PTPN4: variants seen among roughly 807,000 people sequenced by gnomAD.
The protein encoded by PTPN4 is protein tyrosine phosphatase non-receptor type 4, also known as tyrosine-protein phosphatase non-receptor type 4.
Under a neutral mutation model 135.5 loss-of-function variants are expected in PTPN4, and 49 were observed. The ratio of observed to expected loss-of-function variants is 0.36; its 90% CI spans 0.29 to 0.46. The LOEUF (loss-of-function observed/expected upper bound fraction) is 0.46, where lower values mean the gene tolerates loss of function less well. Ranked by LOEUF, PTPN4 falls within the 20% of genes least tolerant of loss-of-function variation. PTPN4 has a pLI of 1.00. For missense variants in PTPN4, 860 were observed against 1,101.0 expected (o/e 0.78, Z 3.10); for synonymous variants, 333 against 369.9 (o/e 0.90, Z 1.14).
At chr2:119,880,155 A>G (rs923594281) in intron 5 of PTPN4, 1 of 152,056 alleles carries the variant, frequency 6.6e-6, no homozygotes, top group African/African-American at 2.4e-5. Context: ...AGGCAAGTTG[A>G]TACTACTTTC....
intron 2 of PTPN4, among the ~76,000 whole-genome samples, chr2:119,857,430 A>C (rs1009101643): frequency 6.6e-6 from 1 of 151,454 alleles, no homozygotes; most frequent in African/African-American, 2.4e-5. Flanking sequence ...GCTACTGGGG[A>C]GGCTGAGGCA....
chr2:119,963,910 A>G (rs1200539234), intron 24 of PTPN4, among the ~76,000 whole-genome samples: 1 of 152,208 alleles, frequency 6.6e-6, no homozygotes, highest in Non-Finnish European at 1.5e-5. Context: ...ACAGTTTTAT[A>G]TACCATAGTG....
At chr2:119,867,334 G>T (rs901017820) in intron 3 of PTPN4, among the ~76,000 whole-genome samples, 1 of 152,080 alleles carries the variant, frequency 6.6e-6, no homozygotes, top group Non-Finnish European at 1.5e-5. Flanking sequence ...GTGGTTGGCT[G>T]TGGGGAATGA....
chr2:119,868,291 C>A (rs994243989), intron 3 of PTPN4, among the ~76,000 whole-genome samples: 2 of 152,048 alleles, frequency 1.3e-5, no homozygotes, highest in African/African-American at 4.8e-5. Flanking sequence ...AGTAGTATAT[C>A]CACTAGAATA....
chr2:119,935,045 G>C, intron 15 of PTPN4, 87 bp downstream of exon 15: 4 of 1,387,018 alleles, frequency 2.9e-6, no homozygotes, highest in Non-Finnish European at 3.9e-6. Context: ...TAGGATATTC[G>C]ATACAAGATT....
intron 1 of PTPN4, among the ~76,000 whole-genome samples, chr2:119,794,383 C>T (rs1167311906): frequency 6.6e-6 from 1 of 152,186 alleles, no homozygotes; most frequent in Non-Finnish European, 1.5e-5. Flanking sequence ...GATCCCACAC[C>T]TGCCAAGGGT....
chr2:119,779,336 G>A (rs1012955416), intron 1 of PTPN4, among the ~76,000 whole-genome samples: 3 of 152,126 alleles, frequency 2.0e-5, no homozygotes, highest in Admixed American at 2.0e-4. Flanking sequence ...AAGAATTGTC[G>A]GCTGGGCGCG....
chr2:119,975,649 C>T (rs1316416780), intron 26 of PTPN4, among the ~76,000 whole-genome samples: 5 of 152,052 alleles, frequency 3.3e-5, no homozygotes, highest in South Asian at 4.2e-4. Flanking sequence ...CTCTTGAACC[C>T]GGGAGGAGGA....
At chr2:119,840,731 C>G (rs1344595746) in intron 2 of PTPN4, among the ~76,000 whole-genome samples, 1 of 152,220 alleles carries the variant, frequency 6.6e-6, no homozygotes, top group African/African-American at 2.4e-5. Flanking sequence ...ATTCCTTTTT[C>G]TCCACAACCT....
chr2:119,947,589 A>G (rs1310544829), intron 18 of PTPN4, among the ~76,000 whole-genome samples: 1 of 152,100 alleles, frequency 6.6e-6, no homozygotes, highest in Non-Finnish European at 1.5e-5. Context: ...AAAATCATCG[A>G]CTTTTCTGCT....
chr2:119,775,012 T>A (rs56369236), intron 1 of PTPN4, among the ~76,000 whole-genome samples: 40,154 of 132,108 alleles, frequency 0.3, 5,528 homozygotes, highest in South Asian at 0.39. Flanking sequence ...GCGAGACTGC[T>A]AAAAAAAAAA....
At chr2:119,808,641 C>G (rs1472235490) in intron 1 of PTPN4, among the ~76,000 whole-genome samples, 1 of 152,130 alleles carries the variant, frequency 6.6e-6, no homozygotes, top group East Asian at 1.9e-4. Context: ...CCAGGCTGGT[C>G]TCAAACTCTT....
chr2:119,853,799 T>C (rs1222246441), intron 2 of PTPN4, among the ~76,000 whole-genome samples: 1 of 152,212 alleles, frequency 6.6e-6, no homozygotes, highest in African/African-American at 2.4e-5. Flanking sequence ...AGTTTCTTCA[T>C]GTTACTTACT....
Position 119,854,270 on chromosome 2 carries a change from G to A in PTPN4, c.139-8266G>A, listed in dbSNP as rs150772679. On this transcript the variant is annotated intron_variant, in intron 2 of 26. Coordinates refer to ENST00000263708, the MANE Select transcript of PTPN4 (RefSeq NM_002830.4). Reference sequence around the variant, plus strand: ...GACGGAGGAATTACCATGCTGAATGGACCCAGTTTCTAATCACCAGCATTT... The same window carrying A: ...GACGGAGGAATTACCATGCTGAATGAACCCAGTTTCTAATCACCAGCATTT... 3.6e-3 allele frequency among the ~76,000 whole-genome samples: 549 copies of A among 152,220 alleles called. 4 individuals carry two copies. Among genetic ancestry groups the A allele is most frequent in the Middle Eastern group, 0.014 (4 of 294 alleles).
At chr2:119,975,410 C>A (rs1679600381) in intron 26 of PTPN4, among the ~76,000 whole-genome samples, 2 of 152,176 alleles carry the variant, frequency 1.3e-5, no homozygotes, top group Admixed American at 1.3e-4. Context: ...GCCACCATGG[C>A]CAGCCAAATT....
At chr2:119,846,917 A>G (rs1677507367) in intron 2 of PTPN4, among the ~76,000 whole-genome samples, 2 of 151,120 alleles carry the variant, frequency 1.3e-5, no homozygotes, top group Non-Finnish European at 3.0e-5. Flanking sequence ...TTATTCTTAT[A>G]TATACATATA....
At chr2:119,803,683 G>A (rs1379929220) in intron 1 of PTPN4, among the ~76,000 whole-genome samples, 1 of 152,122 alleles carries the variant, frequency 6.6e-6, no homozygotes, top group African/African-American at 2.4e-5. Context: ...GATCCTATTG[G>A]TTGTTAAGTT....
chr2:119,938,952 C>T (rs1679024781), intron 15 of PTPN4, among the ~76,000 whole-genome samples: 1 of 152,144 alleles, frequency 6.6e-6, no homozygotes, highest in Admixed American at 6.5e-5. Flanking sequence ...AGCACAAGCT[C>T]TGGATTCAGA....
At chr2:119,891,318 T>C (rs1678237209) in intron 9 of PTPN4, among the ~76,000 whole-genome samples, 1 of 152,052 alleles carries the variant, frequency 6.6e-6, no homozygotes, top group Admixed American at 6.5e-5. Flanking sequence ...TTCAGTTTTT[T>C]GTTTGTTTGT....
Sources: gnomAD v4.1 joint callset for allele counts (sites outside exome capture counted in the v4.1 genomes callset) on GRCh38, gnomAD v4.1.1 for gene constraint, MANE v1.5 for transcripts, NCBI Gene and HGNC (gene_info 2026-07-23, HGNC 2026-07-21) for gene names.